OR52I2: variants seen among roughly 807,000 people sequenced by gnomAD.
The protein encoded by OR52I2 is olfactory receptor family 52 subfamily I member 2.
For synonymous variants in OR52I2, 147 were observed against 151.9 expected, an observed-to-expected ratio of 0.97 and a Z score of 0.24; for missense variants, 350 against 402.4, an observed-to-expected ratio of 0.87 and a Z score of 1.11.
chr11:4,588,025 T>C, exon 2 of OR52I2: 1 of 653,198 alleles, frequency 1.5e-6, no homozygotes, highest in Non-Finnish European at 2.6e-6. Context: ...TGTTTCTGAT[T>C]TTCTGAGGGC....
At chr11:4,590,920 A>G (rs140857143) in exon 2 of OR52I2, 1 of 152,326 alleles carries the variant, frequency 6.6e-6, no homozygotes, top group East Asian at 1.9e-4. Context: ...GTGCCATGAT[A>G]TAGTATTTCT....
At chr11:4,586,688 C>T (rs1362027668) in intron 1 of OR52I2, 184 bp from the exon 2 acceptor site, 21 of 801,392 alleles carry the variant, frequency 2.6e-5, no homozygotes, top group Middle Eastern at 4.7e-4. Flanking sequence ...ACAATGAATA[C>T]AAATTTGGAA....
intron 1 of OR52I2, among the ~76,000 whole-genome samples, chr11:4,582,335 C>A (rs1032769036): frequency 4.0e-5 from 6 of 151,204 alleles, no homozygotes; most frequent in Non-Finnish European, 5.9e-5. Flanking sequence ...ACTTCCCACT[C>A]TTTTAATAGA....
chr11:4,587,497 A>T (rs747855712), exon 2 of OR52I2: 4 of 1,614,184 alleles, frequency 2.5e-6, no homozygotes, highest in Non-Finnish European at 1.7e-6. Flanking sequence ...CAGTCTCTAC[A>T]GTCTGATTGG....
At chr11:4,591,998 T>C (rs1362893614) in exon 2 of OR52I2, 1 of 152,192 alleles carries the variant, frequency 6.6e-6, no homozygotes, top group Non-Finnish European at 1.5e-5. Context: ...TGGCAACTCA[T>C]GGGAGGACAA....
At chr11:4,585,419 T>C (rs560115715) in intron 1 of OR52I2, among the ~76,000 whole-genome samples, 1 of 152,304 alleles carries the variant, frequency 6.6e-6, no homozygotes, top group East Asian at 1.9e-4. Flanking sequence ...AAACATCATA[T>C]GAAATCATTG....
Position 4,587,555 on chromosome 11 carries a change from A to G in OR52I2, c.665A>G (p.Tyr222Cys), listed in dbSNP as rs201226231. 18 of 1,614,082 alleles carry G rather than the reference A, an allele frequency of 1.1e-5. No individual in the cohort carries two copies. The East Asian group carries it at 2.9e-4, about 26-fold the overall frequency. The change falls in exon 2 of 2, where the codon TAT becomes TGT. Residue 222 changes from tyrosine to cysteine, a missense_variant. Transcript: ENST00000641896. The stretch of plus-strand genomic sequence containing the variant: ...GATGTGGCCTTCATTGCTGCCTCCT[A>G]TATCTTAATTCTCAAGGCAGTATTT...
chr11:4,587,484 C>T (rs749208138), exon 2 of OR52I2: 2 of 1,614,184 alleles, frequency 1.2e-6, no homozygotes, highest in Admixed American at 3.3e-5. Flanking sequence ...ACCCCGTGCC[C>T]AGCAGTCTCT....
intron 1 of OR52I2, among the ~76,000 whole-genome samples, chr11:4,583,743 G>A (rs116213460): frequency 6.6e-6 from 1 of 152,092 alleles, no homozygotes; most frequent in Non-Finnish European, 1.5e-5. Context: ...TTTTCTTCTT[G>A]TTGTAGGTTT....
At chr11:4,584,912 A>G (rs765498565) in intron 1 of OR52I2, among the ~76,000 whole-genome samples, 42 of 152,172 alleles carry the variant, frequency 2.8e-4, no homozygotes, top group Non-Finnish European at 4.3e-4. Context: ...CAGCAATCTA[A>G]AAGTATGGGA....
exon 2 of OR52I2, chr11:4,591,705 C>T (rs1846351845): frequency 1.3e-5 from 2 of 152,180 alleles, no homozygotes; most frequent in Non-Finnish European, 1.5e-5. Context: ...AAATATTTTT[C>T]ATACCCACCT....
intron 1 of OR52I2, among the ~76,000 whole-genome samples, chr11:4,583,772 A>T (rs1846278037): frequency 6.6e-6 from 1 of 152,182 alleles, no homozygotes. Flanking sequence ...TATACAGACC[A>T]CAGTTTGTAA....
chr11:4,586,119 T>C (rs1051924354), intron 1 of OR52I2, among the ~76,000 whole-genome samples: 1 of 152,236 alleles, frequency 6.6e-6, no homozygotes, highest in Non-Finnish European at 1.5e-5. Flanking sequence ...GTAAATAGGA[T>C]ATTCAGGGCA....
chr11:4,590,720 T>C (rs896562506), exon 2 of OR52I2: 3 of 152,200 alleles, frequency 2.0e-5, no homozygotes, highest in Non-Finnish European at 2.9e-5. Flanking sequence ...TCTGAGTTTG[T>C]TGCATCCAGA....
chr11:4,584,608 G>C lies in OR52I2; in HGVS notation c.-19-2264G>C, dbSNP rs183480510. ...GCTTTCTTATTAAAGATGGGTTGTAGGCAAAAGTAAGGGAGACGGTTGTCA... is the reference window on the plus strand; with the variant it reads ...GCTTTCTTATTAAAGATGGGTTGTACGCAAAAGTAAGGGAGACGGTTGTCA... On this transcript the variant is annotated intron_variant, in intron 1 of 1. Transcript: ENST00000641896. Among the ~76,000 whole-genome samples the C allele has an allele frequency of 9.9e-5, 15 of 152,202 alleles. 1 individual carries two copies. In the East Asian group the frequency reaches 2.9e-3, roughly 29 times the overall value.
intron 1 of OR52I2, among the ~76,000 whole-genome samples, chr11:4,584,542 C>T (rs1355155878): frequency 6.6e-6 from 1 of 152,074 alleles, no homozygotes; most frequent in Non-Finnish European, 1.5e-5. Context: ...TTCAGTTTGG[C>T]AAGAGTTGTT....
Position 4,587,150 on chromosome 11 carries a change from G to A in OR52I2, c.260G>A (p.Ser87Asn), listed in dbSNP as rs754731746. The change falls in exon 2 of 2, where the codon AGC becomes AAC. Residue 87 changes from serine (S) to asparagine (N), a missense_variant. Ser to Asn is a conservative substitution (Grantham distance 46). Transcript: ENST00000641896. ...TCCTCGGTGGTACCCAAGATGGTGAGCATCTTCTGCTCAGGAGACAGCTCA... is the reference window on the plus strand; with the variant it reads ...TCCTCGGTGGTACCCAAGATGGTGAACATCTTCTGCTCAGGAGACAGCTCA... 1.2e-6 allele frequency: 2 copies of A among 1,614,132 alleles called. No homozygotes were observed. Among genetic ancestry groups the A allele is most frequent in the Non-Finnish European group, 1.7e-6 (2 of 1,180,016 alleles).
intron 1 of OR52I2, 82 bp from the exon 2 acceptor site, chr11:4,586,790 T>G: frequency 6.3e-7 from 1 of 1,597,790 alleles, no homozygotes; most frequent in Non-Finnish European, 8.6e-7. Context: ...GCTGAGAATA[T>G]CCTTAGGTTT....
At chr11:4,591,923 G>A (rs932224032) in exon 2 of OR52I2, 13 of 152,154 alleles carry the variant, frequency 8.5e-5, no homozygotes, top group Admixed American at 1.3e-4. Context: ...ACAGATAGTG[G>A]GCTCTTATCA....
Sources: gnomAD v4.1 joint callset for allele counts (sites outside exome capture counted in the v4.1 genomes callset) on GRCh38, gnomAD v4.1.1 for gene constraint, MANE v1.5 for transcripts, NCBI Gene and HGNC (gene_info 2026-07-23, HGNC 2026-07-21) for gene names.